The following ARID3B variants were observed in gnomAD, a reference collection of about 807,000 sequenced individuals.
The protein encoded by ARID3B is AT-rich interaction domain 3B.
Under a neutral mutation model 51.9 loss-of-function variants are expected in ARID3B, and 10 were observed. That is an observed-to-expected ratio of 0.19 (90% CI 0.12 to 0.33). The LOEUF is 0.33. ARID3B is among the 10% of genes least tolerant of loss of function. ARID3B has a pLI of 1.00. For synonymous variants in ARID3B, 205 were observed against 279.5 expected, an observed-to-expected ratio of 0.73 and a Z score of 2.66; for missense variants, 483 against 716.3, an observed-to-expected ratio of 0.67 and a Z score of 3.72.
At chr15:74,550,207 C>CT (rs2061631233) in intron 2 of ARID3B, among the ~76,000 whole-genome samples, 1 of 152,142 alleles carries the variant, frequency 6.6e-6, no homozygotes, top group East Asian at 1.9e-4. Context: ...TTACTTGACT[C>CT]TATCAGTGAT....
Position 74,544,496 on chromosome 15 carries a change from T to C in ARID3B, c.552+8T>C. 1 of 1,599,776 alleles carries C rather than the reference T, an allele frequency of 6.3e-7. No individual in the cohort carries two copies. The highest frequency in any genetic ancestry group is 8.5e-7 in the Non-Finnish European group (1 of 1,172,454). Reference sequence around the variant, plus strand: ...GATGAGCAGCTCAAGCAGGTCAGTCTTTCTGGTATTGTAGGTCATTTGGTC... The same window carrying C: ...GATGAGCAGCTCAAGCAGGTCAGTCCTTCTGGTATTGTAGGTCATTTGGTC... On this transcript the variant is annotated splice_region_variant and intron_variant, in intron 2 of 8. Transcript: ENST00000346246.
chr15:74,552,056 C>CTTTTTTTTTTTTTTTTTTTTCT (rs2061639346), intron 2 of ARID3B, among the ~76,000 whole-genome samples: 1 of 102,618 alleles, frequency 9.7e-6, no homozygotes, highest in Admixed American at 1.2e-4. Flanking sequence ...TCTTTCTTTC[C>CTTTTTTTTTTTTTTTTTTTTCT]TTTTTTTTTT....
At chr15:74,576,669 A>G (rs1330055567) in intron 4 of ARID3B, among the ~76,000 whole-genome samples, 1 of 152,150 alleles carries the variant, frequency 6.6e-6, no homozygotes, top group Non-Finnish European at 1.5e-5. Context: ...CAAAAAAAAA[A>G]AAACTTTTTA....
At chr15:74,579,874 C>T (rs58303170) in intron 4 of ARID3B, among the ~76,000 whole-genome samples, 4,822 of 73,604 alleles carry the variant, frequency 0.066, 180 homozygotes, top group African/African-American at 0.2. Flanking sequence ...TGTGTGTGTG[C>T]GCGCGCGCGC....
At chr15:74,559,922 C>T (rs1214633865) in intron 2 of ARID3B, among the ~76,000 whole-genome samples, 6 of 150,594 alleles carry the variant, frequency 4.0e-5, no homozygotes, top group East Asian at 1.9e-4. Flanking sequence ...GGCTGGGTGC[C>T]GTGGCTCACA....
intron 4 of ARID3B, among the ~76,000 whole-genome samples, chr15:74,586,964 G>A (rs2061783999): frequency 6.6e-6 from 1 of 152,198 alleles, no homozygotes. Context: ...AGGATTTGAG[G>A]GGAGGCACAA....
At chr15:74,570,922 G>A (rs1343207933) in intron 2 of ARID3B, among the ~76,000 whole-genome samples, 1 of 152,068 alleles carries the variant, frequency 6.6e-6, no homozygotes. Flanking sequence ...TTGGCTATTG[G>A]CTCCCCTGTG....
intron 4 of ARID3B, among the ~76,000 whole-genome samples, chr15:74,577,311 TAA>T (rs879589906): frequency 1.8e-4 from 25 of 137,544 alleles, no homozygotes; most frequent in African/African-American, 1.6e-4. Context: ...CCCTGTAATT[TAA>T]AAAAAAAAAA....
Position 74,572,887 on chromosome 15 carries a change from A to G in ARID3B, c.578A>G (p.Asp193Gly), listed in dbSNP as rs764498872. ...KQNGGLAWSD[D>G]ADGGRGREIS... is the part of the protein sequence containing the mutation. ...AATGGTGGTTTGGCCTGGAGTGATGATGCAGATGGAGGCCGGGGAAGAGAG... is the reference window on the plus strand; with the variant it reads ...AATGGTGGTTTGGCCTGGAGTGATGGTGCAGATGGAGGCCGGGGAAGAGAG... Residue 193 changes from aspartate (D) to glycine (G), a missense_variant, in exon 3 of 9, where the codon GAT becomes GGT. Physicochemically the swap from Asp to Gly is moderately conservative, Grantham distance 94. Around this residue, in one of 3 missense-constraint regions of ARID3B, gnomAD observed 182 missense variants for 244.5 expected, o/e 0.74. Transcript: ENST00000346246. The G allele has an allele frequency of 1.9e-6, 3 of 1,614,178 alleles. No individual in the cohort carries two copies. The highest frequency in any genetic ancestry group is 2.5e-6 in the Non-Finnish European group (3 of 1,180,036).
intron 2 of ARID3B, among the ~76,000 whole-genome samples, chr15:74,547,336 T>A (rs1404819636): frequency 1.3e-5 from 2 of 152,140 alleles, no homozygotes; most frequent in Non-Finnish European, 2.9e-5. Context: ...TTTATTTTTT[T>A]ATTTTTATTT....
intron 7 of ARID3B, among the ~76,000 whole-genome samples, chr15:74,592,777 C>G (rs1242649309): frequency 6.6e-6 from 1 of 151,332 alleles, no homozygotes; most frequent in Non-Finnish European, 1.5e-5. Context: ...AAAGTTGGGG[C>G]TGGGTCTCAT....
chr15:74,583,498 A>G lies in ARID3B; in HGVS notation c.698-6322A>G, dbSNP rs995268408. Among the ~76,000 whole-genome samples, 20 of 152,116 alleles carry G rather than the reference A, an allele frequency of 1.3e-4. 1 individual carries two copies. The East Asian group carries it at 3.7e-3, about 28-fold the overall frequency. Reference sequence around the variant, plus strand: ...TTTGGGAGGCTGAGGCAGGCGGATCATCTGTGGTGAGGAGTTTGAGACCAG... The same window carrying G: ...TTTGGGAGGCTGAGGCAGGCGGATCGTCTGTGGTGAGGAGTTTGAGACCAG... On this transcript the variant is annotated intron_variant, in intron 4 of 8. Coordinates refer to ENST00000346246, the MANE Select transcript of ARID3B (RefSeq NM_006465.4).
chr15:74,567,002 G>A (rs945825351), intron 2 of ARID3B, among the ~76,000 whole-genome samples: 1 of 151,864 alleles, frequency 6.6e-6, no homozygotes, highest in Non-Finnish European at 1.5e-5. Flanking sequence ...ATGTACATTT[G>A]TATGTTTCTG....
rs1156394625 is a variant in ARID3B at position 74,544,507 on chromosome 15, G to A, written c.552+19G>A. ...CAAGCAGGTCAGTCTTTCTGGTATT[G>A]TAGGTCATTTGGTCTTCCTGAAGGC... On this transcript the variant is annotated intron_variant, in intron 2 of 8. Coordinates refer to ENST00000346246, the MANE Select transcript of ARID3B (RefSeq NM_006465.4). 2 of 1,603,696 alleles carry A rather than the reference G, an allele frequency of 1.2e-6. No homozygotes were observed.
Position 74,598,101 on chromosome 15 carries a change from T to C in ARID3B, c.*2327T>C, listed in dbSNP as rs972731778. ...TATCTTACATGTTCTCGAATGTTTATATTTCAATAAACCTCTACCTCTTCA... is the reference window on the plus strand; with the variant it reads ...TATCTTACATGTTCTCGAATGTTTACATTTCAATAAACCTCTACCTCTTCA... On this transcript the variant is annotated 3_prime_UTR_variant, in exon 9 of 9. Transcript: ENST00000346246. 2.0e-6 allele frequency: 1 copy of C among 498,534 alleles called. No individual in the cohort carries two copies. Among genetic ancestry groups the C allele is most frequent in the Non-Finnish European group, 3.9e-6 (1 of 253,978 alleles). 30.9% of individuals were successfully genotyped at this position (498,534 alleles called of 1,614,324 possible). A position where few individuals can be genotyped will look rare whatever the true frequency, so the allele number is the denominator to read the frequency against.
intron 2 of ARID3B, among the ~76,000 whole-genome samples, chr15:74,569,480 A>G (rs2061711818): frequency 6.6e-6 from 1 of 152,158 alleles, no homozygotes; most frequent in Admixed American, 6.5e-5. Context: ...CCAGCTACTC[A>G]GGAGGCTGAC....
Position 74,589,953 on chromosome 15 carries a change from C to G in ARID3B, c.831C>G (p.Gly277=), listed in dbSNP as rs1200941161. The change falls in exon 5 of 9, where the codon GGC becomes GGG. Residue 277 remains glycine (G), a synonymous_variant. Coordinates refer to ENST00000346246, the MANE Select transcript of ARID3B (RefSeq NM_006465.4). ...AGATCTGGAGGGAGATCACCAAAGG[C>G]CTAAACCTGCCCACATCCATCACCA... ...NKKIWREITK[G]LNLPTSITSA... 1.9e-6 allele frequency: 3 copies of G among 1,613,980 alleles called. No individual in the cohort carries two copies. The South Asian group carries it at 3.3e-5, about 18-fold the overall frequency.
rs545880408 is a variant in ARID3B at position 74,594,538 on chromosome 15, G to A, written c.1520-1073G>A. On this transcript the variant is annotated intron_variant, in intron 8 of 8. Transcript: ENST00000346246. ...TTTTACCAAGGGCCCAAGGGCATGC[G>A]GAGTGTCAGCCAGCCTGGCAAGGTG... Among the ~76,000 whole-genome samples, 78 of 152,346 alleles carry A rather than the reference G, an allele frequency of 5.1e-4. No individual in the cohort carries two copies. In the South Asian group the frequency reaches 0.016, roughly 31 times the overall value.
At chr15:74,588,039 G>C (rs2061787508) in intron 4 of ARID3B, among the ~76,000 whole-genome samples, 2 of 152,090 alleles carry the variant, frequency 1.3e-5, no homozygotes, top group African/African-American at 4.8e-5. Flanking sequence ...TTAGGAGTTT[G>C]AGACCAGCCT....
Sources: allele counts gnomAD v4.1 joint callset (sites outside exome capture counted in the v4.1 genomes callset), GRCh38; gene constraint gnomAD v4.1.1; regional missense constraint gnomAD v4.1.1; transcripts MANE v1.5; gene names NCBI Gene and HGNC (gene_info 2026-07-23, HGNC 2026-07-21).